Variants in DROSHA observed in about 807,000 individuals in gnomAD.
DROSHA encodes drosha ribonuclease III.
DROSHA carries 56 observed loss-of-function variants against 181.9 expected under a neutral mutation model. The observed-to-expected ratio is 0.31, with a 90% CI of 0.25 to 0.38. DROSHA has a LOEUF of 0.38. Among genes scored for constraint, DROSHA ranks in the 10% least tolerant of loss-of-function variants. DROSHA has a pLI of 1.00. For synonymous variants in DROSHA, 524 were observed against 591.2 expected (o/e 0.89, Z 1.65); for missense variants, 1,218 against 1,743.5 (o/e 0.70, Z 5.37).
At position 31,424,436 on chromosome 5, in the gene DROSHA, G is replaced by A; in HGVS notation, c.3252C>T (p.His1084=). The change falls in exon 28 of 36, where the codon CAC becomes CAT. Residue 1084 remains histidine, a synonymous_variant. Transcript: ENST00000344624. ...LREVWLNYPL[H]PLQLQEPNTD... Reference sequence around the variant, plus strand: ...GGGAGGTCATACTTACTTGGAGTGGGTGGAGAGGATAATTGAGCCAGACTT... The same window carrying A: ...GGGAGGTCATACTTACTTGGAGTGGATGGAGAGGATAATTGAGCCAGACTT... 1 of 1,598,890 alleles carries A rather than the reference G, an allele frequency of 6.3e-7. No homozygotes were observed. Among genetic ancestry groups the A allele is most frequent in the South Asian group, 1.1e-5 (1 of 87,646 alleles).
chr5:31,432,134 ATTT>A (rs749470013), intron 25 of DROSHA, among the ~76,000 whole-genome samples: 2 of 143,722 alleles, frequency 1.4e-5, no homozygotes, highest in African/African-American at 5.1e-5. Flanking sequence ...TACAAAACAG[ATTT>A]TTTTTTTTTT....
At chr5:31,511,761 T>A (rs1738706935) in intron 8 of DROSHA, among the ~76,000 whole-genome samples, 1 of 151,800 alleles carries the variant, frequency 6.6e-6, no homozygotes, top group Admixed American at 6.6e-5. Context: ...AATATGACAT[T>A]TTTTAAAAAA....
At chr5:31,407,171 TTAATA>T in intron 33 of DROSHA, 1 of 309,448 alleles carries the variant, frequency 3.2e-6, no homozygotes, top group East Asian at 5.7e-5. Flanking sequence ...GCATTGTATT[TTAATA>T]TTTCTTCCCA....
chr5:31,490,497 A>AT (rs1274576499), intron 13 of DROSHA, among the ~76,000 whole-genome samples: 3 of 152,204 alleles, frequency 2.0e-5, no homozygotes, highest in African/African-American at 7.2e-5. Context: ...AAAACTTCAG[A>AT]TAAGTTGTCA....
chr5:31,455,794 C>A (rs1036601215), intron 20 of DROSHA, among the ~76,000 whole-genome samples: 4 of 151,996 alleles, frequency 2.6e-5, no homozygotes, highest in African/African-American at 9.7e-5. Flanking sequence ...GTGTGCACCA[C>A]CACACCCAGC....
chr5:31,431,524 A>G, intron 26 of DROSHA, 52 bp downstream of exon 26: 2 of 1,582,280 alleles, frequency 1.3e-6, no homozygotes, highest in South Asian at 2.2e-5. Context: ...TGTGCTCTCC[A>G]GACTGTTTAG....
chr5:31,519,344 T>C (rs1250278374), intron 6 of DROSHA, among the ~76,000 whole-genome samples: 1 of 152,174 alleles, frequency 6.6e-6, no homozygotes, highest in Non-Finnish European at 1.5e-5. Context: ...TCTTTCCTAA[T>C]TAATCCCATC....
chr5:31,466,809 C>T (rs1749067876), intron 18 of DROSHA, among the ~76,000 whole-genome samples: 2 of 152,118 alleles, frequency 1.3e-5, no homozygotes, highest in Admixed American at 6.5e-5. Flanking sequence ...GGATAAAAGA[C>T]TAATGGTGTA....
intron 20 of DROSHA, among the ~76,000 whole-genome samples, chr5:31,456,463 TACACACAC>T (rs35756228): frequency 0.028 from 4,066 of 146,628 alleles, 178 homozygotes; most frequent in African/African-American, 0.097. Context: ...GACAACAAGA[TACACACAC>T]ACACACACAC....
intron 25 of DROSHA, among the ~76,000 whole-genome samples, chr5:31,435,175 T>TA (rs1744645099): frequency 6.6e-6 from 1 of 152,164 alleles, no homozygotes; most frequent in African/African-American, 2.4e-5. Context: ...TAAGACATAA[T>TA]ATGGAGATGG....
rs1007453070 is a variant in DROSHA, at chr5:31,493,076, A to T, written c.1842+131T>A. On this transcript the variant is annotated intron_variant, in intron 13 of 35. Transcript: ENST00000344624. ...CACTGCTGCAGACTTCCTGCAGCTC[A>T]TTTACAATACAGAGGGATGCAGAGG... is the stretch of plus-strand genomic sequence containing the variant. 1.5e-5 allele frequency: 14 copies of T among 945,230 alleles called. 1 individual carries two copies. Among genetic ancestry groups the T allele is most frequent in the African/African-American group, 8.4e-5 (5 of 59,262 alleles). The allele number at this position is 945,230 out of a possible 1,614,324, so 58.6% of individuals were successfully genotyped here. A position where few individuals can be genotyped will look rare whatever the true frequency, so the allele number is the denominator to read the frequency against.
At chr5:31,405,309 A>T (rs1427265731) in intron 35 of DROSHA, among the ~76,000 whole-genome samples, 2 of 151,356 alleles carry the variant, frequency 1.3e-5, no homozygotes, top group African/African-American at 2.4e-5. Flanking sequence ...GGGGAGGCAG[A>T]GGTTGCAGTG....
At chr5:31,491,380 C>A (rs1752386497) in intron 13 of DROSHA, among the ~76,000 whole-genome samples, 1 of 152,066 alleles carries the variant, frequency 6.6e-6, no homozygotes, top group Admixed American at 6.6e-5. Context: ...GATGAGAAAG[C>A]CAAAGCTTAT....
At chr5:31,495,461 A>G (rs1398280672) in intron 11 of DROSHA, 89 bp from the exon 12 acceptor site, 6 of 1,245,142 alleles carry the variant, frequency 4.8e-6, no homozygotes, top group African/African-American at 1.5e-5. Context: ...TTCACATCTA[A>G]CAAAACAGGT....
At chr5:31,455,681 C>T (rs1190017236) in intron 20 of DROSHA, among the ~76,000 whole-genome samples, 1 of 149,198 alleles carries the variant, frequency 6.7e-6, no homozygotes, top group Non-Finnish European at 1.5e-5. Context: ...CACTCTGTTA[C>T]CCAGTTTGGA....
intron 11 of DROSHA, among the ~76,000 whole-genome samples, chr5:31,500,970 A>G (rs1753516884): frequency 6.6e-6 from 1 of 152,238 alleles, no homozygotes; most frequent in Non-Finnish European, 1.5e-5. Context: ...GGTGATTCCA[A>G]TAAATAGTCA....
intron 20 of DROSHA, among the ~76,000 whole-genome samples, chr5:31,455,585 T>A (rs1001734772): frequency 2.0e-5 from 3 of 151,044 alleles, no homozygotes; most frequent in African/African-American, 7.3e-5. Context: ...AAAGAAAAAA[T>A]CCTTTGGGCA....
At chr5:31,485,725 C>T (rs1290335659) in intron 14 of DROSHA, among the ~76,000 whole-genome samples, 4 of 150,114 alleles carry the variant, frequency 2.7e-5, no homozygotes, top group African/African-American at 4.9e-5. Context: ...CAATAAACAA[C>T]ACTTGCTCAG....
intron 20 of DROSHA, among the ~76,000 whole-genome samples, chr5:31,456,463 TAC>T (rs35756228): frequency 0.077 from 11,300 of 146,516 alleles, 1,037 homozygotes; most frequent in African/African-American, 0.22. Context: ...GACAACAAGA[TAC>T]ACACACACAC....
Sources: allele counts gnomAD v4.1 joint callset (sites outside exome capture counted in the v4.1 genomes callset), GRCh38; gene constraint gnomAD v4.1.1; transcripts MANE v1.5; gene names NCBI Gene and HGNC (gene_info 2026-07-23, HGNC 2026-07-21).